Variants in MCMDC2 observed in about 807,000 individuals in gnomAD.
MCMDC2 encodes minichromosome maintenance domain containing 2, also known as minichromosome maintenance domain-containing protein 2.
Under a neutral mutation model 75.8 loss-of-function variants are expected in MCMDC2, and 54 were observed. The observed-to-expected ratio is 0.71, with a 90% CI of 0.57 to 0.89. The LOEUF (loss-of-function observed/expected upper bound fraction) is 0.89. Among genes scored for constraint, MCMDC2 ranks in the 40% least tolerant of loss-of-function variants. MCMDC2 has a pLI of 0.00. For missense variants in MCMDC2, 656 were observed against 780.4 expected (o/e 0.84, Z 1.90); for synonymous variants, 249 against 274.6 (o/e 0.91, Z 0.92).
chr8:66,874,346 G>C lies in MCMDC2; in HGVS notation c.115G>C (p.Val39Leu). 5 of 1,612,464 alleles carry C rather than the reference G, an allele frequency of 3.1e-6. No individual in the cohort carries two copies. The highest frequency in any genetic ancestry group is 8.5e-7 in the Non-Finnish European group (1 of 1,179,532). ...CATAGATTCAAAACAAAGCTATGCT[G>C]TCTATCGATTCAAAATTTTAATAAA... ...YYNDSKQSYAVYRFKILINPS... is the reference protein window; with the variant it reads ...YYNDSKQSYALYRFKILINPS... Residue 39 changes from valine to leucine, a missense_variant, in exon 3 of 15, where the codon GTC (valine) becomes CTC (leucine). Coordinates refer to ENST00000422365, the MANE Select transcript of MCMDC2 (RefSeq NM_173518.5).
At chr8:66,871,403 T>C (rs1296926988) in intron 1 of MCMDC2, 1 of 152,168 alleles carries the variant, frequency 6.6e-6, no homozygotes, top group Non-Finnish European at 1.5e-5. Flanking sequence ...AAAACCCCAC[T>C]TAGCTTTCGA....
At chr8:66,885,523 T>C (rs1279669001) in intron 9 of MCMDC2, among the ~76,000 whole-genome samples, 1 of 152,196 alleles carries the variant, frequency 6.6e-6, no homozygotes, top group Non-Finnish European at 1.5e-5. Context: ...TGATTTGTGA[T>C]GCATGTAAAT....
downstream of MCMDC2, among the ~76,000 whole-genome samples, chr8:66,922,956 T>C (rs560818047): frequency 6.6e-6 from 1 of 152,344 alleles, no homozygotes; most frequent in African/African-American, 2.4e-5. Context: ...TAACTGAGTA[T>C]GTTTGTCTCA....
At chr8:66,924,124 T>G (rs1481634715), downstream of MCMDC2, among the ~76,000 whole-genome samples, 1 of 152,156 alleles carries the variant, frequency 6.6e-6, no homozygotes, top group Non-Finnish European at 1.5e-5. Flanking sequence ...AATTATTTAG[T>G]TTGAAAATTT....
At chr8:66,903,241 C>T (rs1812778753) in intron 13 of MCMDC2, among the ~76,000 whole-genome samples, 1 of 151,974 alleles carries the variant, frequency 6.6e-6, no homozygotes, top group Non-Finnish European at 1.5e-5. Flanking sequence ...GAGTTGACTT[C>T]TACTTGGCTT....
intron 5 of MCMDC2, 119 bp downstream of exon 5, chr8:66,877,663 G>C (rs1811357052): frequency 3.0e-6 from 2 of 671,350 alleles, no homozygotes; most frequent in Admixed American, 3.7e-5. Context: ...TCAGGAGTTT[G>C]AGACCAGCCT....
At chr8:66,924,363 A>G (rs1240788431), downstream of MCMDC2, among the ~76,000 whole-genome samples, 1 of 151,836 alleles carries the variant, frequency 6.6e-6, no homozygotes, top group Admixed American at 6.6e-5. Context: ...GCGGTAACTC[A>G]CGCCTATAAT....
rs1442305238 is a variant in MCMDC2, at chr8:66,877,455, A to C, written c.392A>C (p.Gln131Pro). Residue 131 changes from glutamine (Q) to proline (P), a missense_variant, in exon 5 of 15, where the codon CAA becomes CCA. Transcript: ENST00000422365. The part of the protein sequence containing the change: ...DYTSQRFYMM[Q>P]GIVIAMTTIT... The stretch of plus-strand genomic sequence containing the variant: ...ACATCTCAGAGATTTTATATGATGC[A>C]AGGAATTGTGATTGCAATGACAACT... 6.2e-7 allele frequency: 1 copy of C among 1,613,340 alleles called. No homozygotes were observed.
intron 11 of MCMDC2, 83 bp downstream of exon 11, chr8:66,896,419 A>G: frequency 7.7e-7 from 1 of 1,298,024 alleles, no homozygotes; most frequent in Non-Finnish European, 1.0e-6. Context: ...TATTTTTGTT[A>G]TTAACCTGTT....
chr8:66,882,697 A>C (rs1288738771), intron 8 of MCMDC2, among the ~76,000 whole-genome samples: 1 of 152,166 alleles, frequency 6.6e-6, no homozygotes, highest in Non-Finnish European at 1.5e-5. Context: ...CATACTGTGG[A>C]TAATCATCAG....
At chr8:66,923,720 T>A (rs1184983163), downstream of MCMDC2, among the ~76,000 whole-genome samples, 2 of 151,808 alleles carry the variant, frequency 1.3e-5, no homozygotes, top group African/African-American at 4.8e-5. Flanking sequence ...AAACCCCATC[T>A]CCACTAAAAA....
At chr8:66,895,706 A>C (rs1812320711) in intron 10 of MCMDC2, among the ~76,000 whole-genome samples, 1 of 152,040 alleles carries the variant, frequency 6.6e-6, no homozygotes, top group African/African-American at 2.4e-5. Flanking sequence ...AGGTGAGGGG[A>C]CAATGAATTT....
intron 14 of MCMDC2, among the ~76,000 whole-genome samples, chr8:66,917,308 C>T (rs1450513622): frequency 6.6e-6 from 1 of 152,152 alleles, no homozygotes; most frequent in Admixed American, 6.5e-5. Flanking sequence ...GGCACAGTTG[C>T]TAAACTGTAC....
At chr8:66,905,129 G>A in intron 13 of MCMDC2, 97 bp from the exon 14 acceptor site, 2 of 978,380 alleles carry the variant, frequency 2.0e-6, no homozygotes, top group Non-Finnish European at 2.7e-6. Context: ...CTTTAGGTGT[G>A]GCTAAGGTTC....
downstream of MCMDC2, chr8:66,922,321 TA>T (rs1237087551): frequency 6.6e-6 from 2 of 300,802 alleles, no homozygotes; most frequent in Non-Finnish European, 1.3e-5. Flanking sequence ...ACAAATCACT[TA>T]CTTGAGGTAA....
intron 14 of MCMDC2, among the ~76,000 whole-genome samples, chr8:66,906,784 A>ATT (rs1049947696): frequency 6.7e-6 from 1 of 149,336 alleles, no homozygotes; most frequent in African/African-American, 2.5e-5. Context: ...TATTATTATT[A>ATT]TTTTTTTTTG....
Position 66,919,138 on chromosome 8 carries a change from C to G in MCMDC2, c.2015C>G (p.Pro672Arg). 6.5e-7 allele frequency: 1 copy of G among 1,547,858 alleles called. No homozygotes were observed. The highest frequency in any genetic ancestry group is 8.7e-7 in the Non-Finnish European group (1 of 1,145,792). ...GAACAATTTATTGCCACATATGGAC[C>G]TGGGACAACTATTTTCTCTAGTGAT... ...QLEQFIATYGPGTTIFSSDE is the reference protein window; with the variant it reads ...QLEQFIATYGRGTTIFSSDE Residue 672 changes from proline (P) to arginine (R), a missense_variant, in exon 15 of 15, where the codon CCT becomes CGT. By Grantham distance (103) the Pro-to-Arg change is moderately radical (BLOSUM62 -2). Transcript: ENST00000422365.
Position 66,890,879 on chromosome 8 carries a change from G to T in MCMDC2, c.1088G>T (p.Ser363Ile), listed in dbSNP as rs753367134. 6.2e-7 allele frequency: 1 copy of T among 1,605,422 alleles called. No individual in the cohort carries two copies. Among genetic ancestry groups the T allele is most frequent in the Non-Finnish European group, 8.5e-7 (1 of 1,178,038 alleles). ...TLLIDRLLNF[S>I]INLVPRGIRH... ...TTTTTCCCTAGGCTTCTGAATTTTA[G>T]CATAAACCTTGTCCCCCGTGGTATA... The change falls in exon 10 of 15, where the codon AGC becomes ATC. Residue 363 changes from serine (S) to isoleucine (I), a missense_variant. Physicochemically the swap from Ser to Ile is moderately radical, Grantham distance 142. Coordinates refer to ENST00000422365, the MANE Select transcript of MCMDC2 (RefSeq NM_173518.5).
chr8:66,878,481 T>C (rs2130796969), intron 5 of MCMDC2, 93 bp from the exon 6 acceptor site: 3 of 1,234,302 alleles, frequency 2.4e-6, no homozygotes, highest in East Asian at 5.6e-5. Context: ...AAAGAAAATA[T>C]AAAATTAAAA....
Sources: gnomAD v4.1 joint callset for allele counts (sites outside exome capture counted in the v4.1 genomes callset) on GRCh38, gnomAD v4.1.1 for gene constraint, MANE v1.5 for transcripts, NCBI Gene and HGNC (gene_info 2026-07-23, HGNC 2026-07-21) for gene names.